The following PUDP variants were observed in gnomAD, a reference collection of about 807,000 sequenced individuals.
PUDP encodes pseudouridine-5'-phosphatase.
A neutral mutation model predicts 9.4 loss-of-function variants in PUDP; 8 were observed. The ratio of observed to expected loss-of-function variants is 0.85; its 90% CI spans 0.50 to 1.53. The LOEUF is 1.53. PUDP is among the 40% of genes most tolerant of loss of function. The pLI, the probability that PUDP is intolerant of heterozygous loss-of-function variation, is 0.00. For missense variants in PUDP, 188 were observed against 189.7 expected (o/e 0.99, Z 0.05); for synonymous variants, 99 against 80.7 (o/e 1.23, Z -1.22).
chrX:7,093,489 C>T (rs938265384), intron 2 of PUDP, among the ~76,000 whole-genome samples: 2 of 110,598 alleles, frequency 1.8e-5, no homozygotes, highest in Non-Finnish European at 3.8e-5. Flanking sequence ...TGCTGGGACT[C>T]GGGGCAAGCT....
At chrX:6,980,325 T>C (rs1929015386) in intron 1 of PUDP, among the ~76,000 whole-genome samples, 1 of 110,454 alleles carries the variant, frequency 9.1e-6, no homozygotes, top group South Asian at 3.9e-4. Context: ...CCTTCTACCT[T>C]AGCCTCTGCA....
chrX:6,958,116 A>G (rs1475824161), intron 3 of PUDP, among the ~76,000 whole-genome samples: 1 of 112,189 alleles, frequency 8.9e-6, no homozygotes, highest in African/African-American at 3.2e-5. Flanking sequence ...GTCATTTATA[A>G]CCTTACGCGT....
chrX:7,123,620 AT>A (rs746583060), intron 1 of PUDP, among the ~76,000 whole-genome samples: 1 of 112,077 alleles, frequency 8.9e-6, no homozygotes, highest in South Asian at 3.7e-4. Context: ...TGATCTAACT[AT>A]ATGATATCTA....
At chrX:6,850,240 C>T (rs1926807262) in intron 3 of PUDP, among the ~76,000 whole-genome samples, 2 of 112,022 alleles carry the variant, frequency 1.8e-5, no homozygotes, top group African/African-American at 6.5e-5. Context: ...CATCACGCTC[C>T]ACTCTGAGTC....
rs143679854 is a variant in PUDP at position 7,072,981 on chromosome X, G to A, written c.510+4239C>T. 8.3e-4 allele frequency among the ~76,000 whole-genome samples: 92 copies of A among 111,161 alleles called. 1 individual carries two copies. The East Asian group carries it at 0.022, about 26-fold the overall frequency. On this transcript the variant is annotated intron_variant, in intron 3 of 3. Transcript: ENST00000381077. ...CCCTGGGGTGCCTCCCAGCTTGGTC[G>A]CTCAAGTCCCCACCAAGCAATGAGT...
chrX:7,120,915 A>T (rs1032039949), intron 1 of PUDP, among the ~76,000 whole-genome samples: 5 of 112,081 alleles, frequency 4.5e-5, no homozygotes, highest in African/African-American at 1.6e-4. Flanking sequence ...GTGGTTCTAT[A>T]TACAATTCTA....
At chrX:7,118,616 G>A (rs1246539335) in intron 1 of PUDP, among the ~76,000 whole-genome samples, 1 of 111,874 alleles carries the variant, frequency 8.9e-6, no homozygotes, top group Non-Finnish European at 1.9e-5. Context: ...GAATCCAAAC[G>A]AACCTAAAAT....
intron 3 of PUDP, among the ~76,000 whole-genome samples, chrX:6,937,273 C>T (rs1275888726): frequency 1.1e-5 from 1 of 94,886 alleles, no homozygotes; most frequent in African/African-American, 3.8e-5. Flanking sequence ...GGTACTGGTA[C>T]CAAAACAGAG....
chrX:6,860,539 C>T (rs1318505123), intron 3 of PUDP, among the ~76,000 whole-genome samples: 1 of 108,317 alleles, frequency 9.2e-6, no homozygotes, highest in Non-Finnish European at 1.9e-5. Context: ...GGCATGATCT[C>T]GGCTCACTGC....
rs145574336 is a variant in PUDP at position 7,096,510 on chromosome X, G to C, written c.280+9110C>G. Among the ~76,000 whole-genome samples the C allele has an allele frequency of 3.0e-3, 326 of 110,396 alleles. 1 individual carries two copies. The highest frequency in any genetic ancestry group is 0.011 in the African/African-American group (321 of 30,341). On this transcript the variant is annotated intron_variant, in intron 2 of 3. Transcript: ENST00000381077. ...AATGCTATACATTTTTGTACCGTGTGAAACAAGTGTAATTTGTGTAATTAA... is the reference window on the plus strand; with the variant it reads ...AATGCTATACATTTTTGTACCGTGTCAAACAAGTGTAATTTGTGTAATTAA...
chrX:6,717,072 A>G (rs1924609213), intron 1 of PUDP, among the ~76,000 whole-genome samples: 1 of 111,889 alleles, frequency 8.9e-6, no homozygotes, highest in Non-Finnish European at 1.9e-5. Flanking sequence ...CCTGGCCAGA[A>G]TATATTAAAT....
intron 3 of PUDP, among the ~76,000 whole-genome samples, chrX:6,763,189 G>C (rs1302915393): frequency 8.9e-6 from 1 of 112,253 alleles, no homozygotes; most frequent in East Asian, 2.8e-4. Context: ...AGTTGTTCGA[G>C]ACCAGTCTGG....
At chrX:6,930,306 A>G (rs1928169430) in intron 3 of PUDP, among the ~76,000 whole-genome samples, 2 of 111,582 alleles carry the variant, frequency 1.8e-5, no homozygotes, top group East Asian at 2.8e-4. Context: ...GTCACCAGAG[A>G]CAGATCATAA....
Position 6,738,863 on chromosome X carries a change from A to G in PUDP, c.*248-32397T>C, listed in dbSNP as rs777828735. 3.1e-3 allele frequency among the ~76,000 whole-genome samples: 349 copies of G among 112,080 alleles called. 8 individuals carry two copies. Among genetic ancestry groups the G allele is most frequent in the Non-Finnish European group, 4.0e-3 (214 of 53,256 alleles). ...GATTACTGCATTGATGGGTTCATTAATCATTGCCAGACATTTTTAAATGCC... is the reference window on the plus strand; with the variant it reads ...GATTACTGCATTGATGGGTTCATTAGTCATTGCCAGACATTTTTAAATGCC... On this transcript the variant is annotated intron_variant and NMD_transcript_variant, in intron 3 of 3. Coordinates refer to the PUDP transcript ENST00000655425.
intron 2 of PUDP, among the ~76,000 whole-genome samples, chrX:7,094,448 G>A (rs944031557): frequency 1.4e-4 from 15 of 105,430 alleles, no homozygotes; most frequent in Admixed American, 4.2e-4. Flanking sequence ...GCTCCGCCCC[G>A]CGGGTTCACG....
chrX:6,913,906 C>G (rs1341593352), intron 3 of PUDP, among the ~76,000 whole-genome samples: 1 of 110,724 alleles, frequency 9.0e-6, no homozygotes, highest in Non-Finnish European at 1.9e-5. Context: ...TCTGTGCCCC[C>G]CCAACTGCCA....
chrX:6,771,439 C>T (rs1161603057), intron 3 of PUDP, among the ~76,000 whole-genome samples: 1 of 112,175 alleles, frequency 8.9e-6, no homozygotes, highest in East Asian at 2.8e-4. Context: ...CAATATAGAA[C>T]TTTGTGAATA....
chrX:6,844,549 AG>A (rs1375217987), intron 3 of PUDP, among the ~76,000 whole-genome samples: 1 of 112,727 alleles, frequency 8.9e-6, no homozygotes, highest in Non-Finnish European at 1.9e-5. Flanking sequence ...CTCCTCAAGG[AG>A]GTAGCATTTG....
At chrX:6,912,683 C>A (rs1457012872) in intron 3 of PUDP, among the ~76,000 whole-genome samples, 2 of 111,923 alleles carry the variant, frequency 1.8e-5, no homozygotes, top group African/African-American at 6.5e-5. Flanking sequence ...TGTTACTATT[C>A]CCATGTGTTT....
Sources: gnomAD v4.1 joint callset for allele counts (sites outside exome capture counted in the v4.1 genomes callset) on GRCh38, gnomAD v4.1.1 for gene constraint, MANE v1.5 for transcripts, NCBI Gene and HGNC (gene_info 2026-07-23, HGNC 2026-07-21) for gene names.